MBD5: variants seen among roughly 807,000 people sequenced by gnomAD.
The protein encoded by MBD5 is methyl-CpG-binding domain protein 5.
A neutral mutation model predicts 117.3 loss-of-function variants in MBD5; 13 were observed. The observed-to-expected ratio is 0.11, with a 90% CI of 0.07 to 0.18. The LOEUF is 0.18. Ranked by LOEUF, MBD5 falls within the 10% of genes least tolerant of loss-of-function variation. The pLI is 1.00. For missense variants in MBD5, 1,879 were observed against 2,093.8 expected, an observed-to-expected ratio of 0.90 and a Z score of 2.00; for synonymous variants, 727 against 766.4, an observed-to-expected ratio of 0.95 and a Z score of 0.85.
At chr2:148,180,545 T>C (rs1376423159) in intron 2 of MBD5, among the ~76,000 whole-genome samples, 1 of 151,628 alleles carries the variant, frequency 6.6e-6, no homozygotes, top group East Asian at 1.9e-4. Context: ...TGTTTGTTTG[T>C]TTTGAGGCAG....
chr2:148,124,198 T>A (rs1472768186), intron 1 of MBD5, among the ~76,000 whole-genome samples: 1 of 152,264 alleles, frequency 6.6e-6, no homozygotes. Context: ...AGGAATCACT[T>A]GAACCCAGGA....
At chr2:148,210,090 G>A (rs925454008) in intron 2 of MBD5, among the ~76,000 whole-genome samples, 1 of 152,060 alleles carries the variant, frequency 6.6e-6, no homozygotes. Flanking sequence ...GTGGACTTTA[G>A]GAAGCCTAAC....
intron 4 of MBD5, among the ~76,000 whole-genome samples, chr2:148,394,044 C>A (rs1181786124): frequency 6.6e-6 from 1 of 152,150 alleles, no homozygotes; most frequent in East Asian, 1.9e-4. Context: ...CTTTATGTTA[C>A]AAATGTTCTG....
chr2:148,175,331 T>C (rs1558959069), intron 1 of MBD5, among the ~76,000 whole-genome samples: 1 of 152,174 alleles, frequency 6.6e-6, no homozygotes, highest in Non-Finnish European at 1.5e-5. Context: ...ACCACAAATT[T>C]ATATCTCAGT....
intron 3 of MBD5, among the ~76,000 whole-genome samples, chr2:148,332,047 A>G (rs1702672655): frequency 1.3e-5 from 2 of 152,146 alleles, no homozygotes; most frequent in Admixed American, 1.3e-4. Context: ...TTCTTTTTTA[A>G]CTGTGTCTTT....
chr2:148,255,398 C>A (rs1211967327), intron 3 of MBD5, among the ~76,000 whole-genome samples: 2 of 152,166 alleles, frequency 1.3e-5, no homozygotes, highest in Non-Finnish European at 2.9e-5. Flanking sequence ...CCCCTATGAG[C>A]AGTCAACCAT....
intron 1 of MBD5, among the ~76,000 whole-genome samples, chr2:148,045,744 A>G (rs1465757084): frequency 6.6e-6 from 1 of 152,148 alleles, no homozygotes; most frequent in Non-Finnish European, 1.5e-5. Context: ...ATAGACTGTT[A>G]CCTACTAGTA....
intron 1 of MBD5, among the ~76,000 whole-genome samples, chr2:148,035,883 A>C (rs942989990): frequency 1.3e-5 from 2 of 152,154 alleles, no homozygotes; most frequent in African/African-American, 4.8e-5. Context: ...ACAATGCTTT[A>C]AAAATGCCTG....
intron 4 of MBD5, among the ~76,000 whole-genome samples, chr2:148,362,690 G>A (rs1261864319): frequency 6.6e-6 from 1 of 152,204 alleles, no homozygotes; most frequent in Non-Finnish European, 1.5e-5. Context: ...CCTCCTGACT[G>A]GGAGACACTT....
chr2:148,092,157 A>C (rs1408921731), intron 1 of MBD5, among the ~76,000 whole-genome samples: 1 of 152,222 alleles, frequency 6.6e-6, no homozygotes, highest in African/African-American at 2.4e-5. Flanking sequence ...AAAAATCAAA[A>C]AATAACAGAT....
intron 4 of MBD5, among the ~76,000 whole-genome samples, chr2:148,432,880 A>G (rs1706032648): frequency 6.6e-6 from 1 of 152,056 alleles, no homozygotes; most frequent in African/African-American, 2.4e-5. Flanking sequence ...GAATTTTAAA[A>G]TAGTTTTTCT....
intron 1 of MBD5, among the ~76,000 whole-genome samples, chr2:148,167,561 A>C (rs1433046019): frequency 6.6e-6 from 1 of 152,188 alleles, no homozygotes; most frequent in Non-Finnish European, 1.5e-5. Flanking sequence ...TGATAGCTTA[A>C]TGAAATTTAT....
At chr2:148,292,185 C>G (rs997247149) in intron 3 of MBD5, among the ~76,000 whole-genome samples, 2 of 152,148 alleles carry the variant, frequency 1.3e-5, no homozygotes, top group Non-Finnish European at 2.9e-5. Flanking sequence ...ACCCCATGAG[C>G]ACAGGCAGCC....
chr2:148,027,131 A>G (rs1489179266), intron 1 of MBD5: 2 of 152,142 alleles, frequency 1.3e-5, no homozygotes. Flanking sequence ...TGGGAAGTTT[A>G]TATTGTCTTG....
intron 3 of MBD5, among the ~76,000 whole-genome samples, chr2:148,265,847 A>G (rs978652625): frequency 5.9e-5 from 9 of 152,154 alleles, no homozygotes; most frequent in African/African-American, 2.2e-4. Flanking sequence ...CTGGAGATAG[A>G]CAAGCTGCTT....
chr2:148,400,355 A>T (rs1369866488), intron 4 of MBD5, among the ~76,000 whole-genome samples: 1 of 152,160 alleles, frequency 6.6e-6, no homozygotes, highest in Non-Finnish European at 1.5e-5. Flanking sequence ...TTAATTCTCT[A>T]TTACCAGTGC....
chr2:148,181,443 G>A (rs188971483), intron 2 of MBD5, among the ~76,000 whole-genome samples: 310 of 152,204 alleles, frequency 2.0e-3, no homozygotes, highest in African/African-American at 6.9e-3. Context: ...TATCAGATGC[G>A]TCCCCACATA....
chr2:148,409,420 A>C (rs1161356985), intron 4 of MBD5, among the ~76,000 whole-genome samples: 1 of 148,726 alleles, frequency 6.7e-6, no homozygotes, highest in Non-Finnish European at 1.5e-5. Context: ...AAAGAAAGGG[A>C]GAGAGAGAGA....
chr2:148,347,518 C>T lies in MBD5; in HGVS notation c.-557+5182C>T, dbSNP rs1360542893. The T allele has an allele frequency of 2.6e-5, 4 of 152,078 alleles. No homozygotes were observed. The East Asian group carries it at 7.7e-4, about 29-fold the overall frequency. The allele number at this position is 152,078 out of a possible 1,614,324, so 9.4% of individuals were successfully genotyped here. ...TCCTCTCCTACACTCCCTGCTCTAG[C>T]CTTTTAATTCCCTGAGCAAGTAAGC... On this transcript the variant is annotated intron_variant, in intron 4 of 13. Transcript: ENST00000642680.
Sources: allele counts gnomAD v4.1 joint callset (sites outside exome capture counted in the v4.1 genomes callset), GRCh38; gene constraint gnomAD v4.1.1; transcripts MANE v1.5; gene names NCBI Gene and HGNC (gene_info 2026-07-23, HGNC 2026-07-21).